The following TTLL13 variants were observed in gnomAD, a reference collection of about 807,000 sequenced individuals.
The protein encoded by TTLL13 is tubulin tyrosine ligase like 13, also known as tubulin polyglutamylase TTLL13.
the TTLL13 span, chr15:90,251,453 A>C: frequency 4.3e-5 from 54 of 1,248,848 alleles, no homozygotes; most frequent in Non-Finnish European, 5.4e-5. Flanking sequence ...AGTGGCTTCT[A>C]GAGAAAAGGA....
the TTLL13 span, chr15:90,257,087 G>T: frequency 6.4e-7 from 1 of 1,562,188 alleles, no homozygotes; most frequent in Admixed American, 1.8e-5. Flanking sequence ...ACAGCACATA[G>T]TAGGCACTTC....
At chr15:90,251,307 G>A in the TTLL13 span, among the ~76,000 whole-genome samples, 1 of 83,974 alleles carries the variant, frequency 1.2e-5, no homozygotes, top group African/African-American at 5.2e-5. Context: ...TGTATTTTTA[G>A]TAGAGACAGG....
chr15:90,253,237 CTG>C, the TTLL13 span: 1,968 of 1,607,966 alleles, frequency 1.2e-3, 22 homozygotes, highest in African/African-American at 0.022. Context: ...ACTGATCTCC[CTG>C]TCTCTGCAGT....
the TTLL13 span, among the ~76,000 whole-genome samples, chr15:90,252,601 C>T: frequency 6.6e-6 from 1 of 152,174 alleles, no homozygotes; most frequent in Non-Finnish European, 1.5e-5. Flanking sequence ...CTAATATTCC[C>T]TCTGGCATCT....
chr15:90,257,267 AG>A, the TTLL13 span: 2 of 1,612,264 alleles, frequency 1.2e-6, no homozygotes, highest in South Asian at 2.2e-5. Flanking sequence ...TATGGAGCCC[AG>A]CCATAACAAC....
chr15:90,263,776 C>T, the TTLL13 span: 8 of 701,236 alleles, frequency 1.1e-5, no homozygotes, highest in East Asian at 2.2e-4. Flanking sequence ...CAGTCAAGAA[C>T]TGAAATCTAT....
At chr15:90,255,936 CGCTCTCAGA>C in the TTLL13 span, 3 of 1,612,544 alleles carry the variant, frequency 1.9e-6, no homozygotes, top group Non-Finnish European at 2.5e-6. Flanking sequence ...GGAAAAGGGT[CGCTCTCAGA>C]GCTCTGGTCT....
At chr15:90,264,996 T>G in the TTLL13 span, 3 of 1,517,148 alleles carry the variant, frequency 2.0e-6, no homozygotes, top group Non-Finnish European at 2.6e-6. Flanking sequence ...CTACCTCTCC[T>G]GGATAACCTC....
the TTLL13 span, chr15:90,257,870 T>C: frequency 2.4e-5 from 23 of 942,264 alleles, no homozygotes; most frequent in Non-Finnish European, 3.7e-5. Flanking sequence ...ACTTTGGAGC[T>C]CTAAGTGCAG....
the TTLL13 span, chr15:90,262,091 T>G: frequency 6.5e-7 from 1 of 1,536,096 alleles, no homozygotes; most frequent in Non-Finnish European, 8.7e-7. Context: ...CCGGCGGATC[T>G]ACCCTGGGCC....
At chr15:90,262,293 G>A in the TTLL13 span, 1 of 1,281,738 alleles carries the variant, frequency 7.8e-7, no homozygotes, top group South Asian at 1.6e-5. Flanking sequence ...CCAGCAAAGA[G>A]GAATGGAGCT....
At chr15:90,251,835 A>AC in the TTLL13 span, among the ~76,000 whole-genome samples, 4 of 151,376 alleles carry the variant, frequency 2.6e-5, no homozygotes, top group East Asian at 7.8e-4. Context: ...AAAAAAAAAA[A>AC]AAAAAGTCCA....
the TTLL13 span, chr15:90,262,713 G>C: frequency 5.3e-5 from 76 of 1,439,104 alleles, no homozygotes; most frequent in Non-Finnish European, 6.6e-5. Context: ...AGGAAAATGG[G>C]TTGGGACAAC....
chr15:90,250,603 AC>A, the TTLL13 span: 1 of 1,602,478 alleles, frequency 6.2e-7, no homozygotes, highest in East Asian at 2.2e-5. Flanking sequence ...CTTCATTCCC[AC>A]CCCGCAACCC....
At chr15:90,263,048 A>G in the TTLL13 span, 1 of 1,536,148 alleles carries the variant, frequency 6.5e-7, no homozygotes, top group Non-Finnish European at 8.7e-7. Flanking sequence ...GCCCTGCTAC[A>G]AAGGGAGACT....
the TTLL13 span, chr15:90,250,791 CA>C: frequency 2.5e-6 from 4 of 1,614,184 alleles, no homozygotes; most frequent in Non-Finnish European, 3.4e-6. Flanking sequence ...GGGGTTCCCT[CA>C]CCCATTATGG....
chr15:90,256,413 C>T, the TTLL13 span: 10 of 1,304,802 alleles, frequency 7.7e-6, no homozygotes, highest in Admixed American at 6.9e-5. Context: ...CCACTAGCCC[C>T]GTTTTCCTGG....
the TTLL13 span, chr15:90,256,235 A>G: frequency 9.3e-6 from 15 of 1,614,028 alleles, no homozygotes; most frequent in East Asian, 1.3e-4. Context: ...CATCTTCATT[A>G]CCCGAAATCC....
the TTLL13 span, chr15:90,257,628 T>C: frequency 5.6e-6 from 9 of 1,613,860 alleles, no homozygotes; most frequent in Admixed American, 6.7e-5. Context: ...AGGGCCACTC[T>C]TTCCACAGGA....
Sources: allele counts gnomAD v4.1 joint callset (sites outside exome capture counted in the v4.1 genomes callset), GRCh38; gene constraint gnomAD v4.1.1; transcripts MANE v1.5; gene names NCBI Gene and HGNC (gene_info 2026-07-23, HGNC 2026-07-21).